Variants in NDST4 observed in about 807,000 individuals in gnomAD.
NDST4 encodes N-deacetylase and N-sulfotransferase 4, also known as N-heparan sulfate sulfotransferase 4.
Under a neutral mutation model 100.8 loss-of-function variants are expected in NDST4, and 63 were observed. That is an observed-to-expected ratio of 0.62 (90% CI 0.51 to 0.77). The LOEUF (loss-of-function observed/expected upper bound fraction) is 0.77. Ranked by LOEUF, NDST4 falls within the 30% of genes least tolerant of loss-of-function variation. The pLI is 0.00. For missense variants in NDST4, 943 were observed against 1,018.4 expected (o/e 0.93, Z 1.01); for synonymous variants, 377 against 361.8 (o/e 1.04, Z -0.48).
chr4:114,854,667 A>G (rs961559706), intron 7 of NDST4, among the ~76,000 whole-genome samples: 4 of 152,128 alleles, frequency 2.6e-5, no homozygotes, highest in Admixed American at 2.0e-4. Flanking sequence ...ACGGGGTTTC[A>G]CTATGTTAGC....
At chr4:114,891,076 A>G (rs72899287) in intron 6 of NDST4, among the ~76,000 whole-genome samples, 20,587 of 152,010 alleles carry the variant, frequency 0.14, 1,636 homozygotes, top group African/African-American at 0.23. Context: ...TGAGGGATTC[A>G]TCCTACTTGA....
At chr4:115,012,065 G>C (rs1374372232) in intron 2 of NDST4, among the ~76,000 whole-genome samples, 1 of 151,700 alleles carries the variant, frequency 6.6e-6, no homozygotes, top group Non-Finnish European at 1.5e-5. Context: ...CTTAGAATGA[G>C]TACTAGGGTC....
At position 115,076,246 on chromosome 4, in the gene NDST4, T is replaced by A; in HGVS notation, c.791A>T (p.Asp264Val). Residue 264 changes from aspartate to valine, a missense_variant, in exon 2 of 14, where the codon GAT becomes GTT. Asp to Val is a radical substitution (Grantham distance 152, BLOSUM62 -3). Transcript: ENST00000264363. ...GCCAAAAAGTACTCTCTGAATTCCA[T>A]CATGAAGCCCCAGATCCTGAATCAC... ...ATVIQDLGLHDGIQRVLFGNN... is the reference protein window; with the variant it reads ...ATVIQDLGLHVGIQRVLFGNN... 1 of 1,613,952 alleles carries A rather than the reference T, an allele frequency of 6.2e-7. No individual in the cohort carries two copies. The highest frequency in any genetic ancestry group is 1.1e-5 in the South Asian group (1 of 91,084).
intron 1 of NDST4, among the ~76,000 whole-genome samples, chr4:115,086,935 C>T (rs753832847): frequency 3.1e-4 from 47 of 152,124 alleles, no homozygotes; most frequent in South Asian, 4.1e-4. Context: ...AGTAGAAATG[C>T]TATCCGTGGC....
Position 115,093,854 on chromosome 4 carries a change from C to T in NDST4, c.-246-16572G>A, listed in dbSNP as rs191147095. ...AAAATTAATAAGCTAATAATGTAAG[C>T]GGTCATCTTAAAAAGCTAGAAAAAG... On this transcript the variant is annotated intron_variant, in intron 1 of 13. Coordinates refer to ENST00000264363, the MANE Select transcript of NDST4 (RefSeq NM_022569.3). Among the ~76,000 whole-genome samples the T allele has an allele frequency of 2.9e-3, 442 of 151,750 alleles. 3 individuals carry two copies. The highest frequency in any genetic ancestry group is 4.8e-3 in the South Asian group (23 of 4,808).
At chr4:115,096,099 A>T (rs537730191) in intron 1 of NDST4, among the ~76,000 whole-genome samples, 5 of 151,296 alleles carry the variant, frequency 3.3e-5, no homozygotes, top group African/African-American at 1.2e-4. Flanking sequence ...ATCATTTTAC[A>T]CTCTTTTATT....
At position 114,870,303 on chromosome 4, in the gene NDST4, A is replaced by G. The variant is rs565763953; in HGVS notation, c.1719+465T>C. Among the ~76,000 whole-genome samples, 6 of 152,300 alleles carry G rather than the reference A, an allele frequency of 3.9e-5. No homozygotes were observed. In the East Asian group the frequency reaches 9.6e-4, roughly 24 times the overall value. ...AAGATATGCTTGAGAGGTTAACTCT[A>G]TATGGATACAAGGTGAAAATTGCTT... On this transcript the variant is annotated intron_variant, in intron 7 of 13. Transcript: ENST00000264363.
At chr4:115,025,775 A>G (rs1206340736) in intron 2 of NDST4, among the ~76,000 whole-genome samples, 1 of 152,166 alleles carries the variant, frequency 6.6e-6, no homozygotes, top group African/African-American at 2.4e-5. Flanking sequence ...GTAATTTCAA[A>G]TGTAGTAACC....
chr4:114,986,425 T>C (rs997110785), intron 2 of NDST4, among the ~76,000 whole-genome samples: 2 of 152,120 alleles, frequency 1.3e-5, no homozygotes, highest in South Asian at 2.1e-4. Context: ...CCACTGATTT[T>C]AGTCCACTCT....
intron 6 of NDST4, among the ~76,000 whole-genome samples, chr4:114,894,431 A>C (rs189306605): frequency 1.8e-4 from 28 of 152,204 alleles, no homozygotes; most frequent in African/African-American, 6.5e-4. Context: ...AATGTTTTGT[A>C]GTTCTCTTTG....
intron 9 of NDST4, among the ~76,000 whole-genome samples, chr4:114,846,641 T>C (rs755134580): frequency 6.6e-6 from 1 of 152,154 alleles, no homozygotes. Flanking sequence ...TTCCTCTGCG[T>C]GTGGATTATG....
intron 2 of NDST4, among the ~76,000 whole-genome samples, chr4:115,038,703 A>ATGGT (rs1728285685): frequency 6.6e-6 from 1 of 152,180 alleles, no homozygotes; most frequent in South Asian, 2.1e-4. Flanking sequence ...TGGGCTGATC[A>ATGGT]TGGTTGCTCA....
intron 1 of NDST4, among the ~76,000 whole-genome samples, chr4:115,080,964 C>A (rs1729289444): frequency 1.3e-5 from 2 of 151,850 alleles, no homozygotes; most frequent in African/African-American, 2.4e-5. Context: ...AAATGTAGGA[C>A]AAGTTAATAC....
intron 4 of NDST4, among the ~76,000 whole-genome samples, chr4:114,946,074 T>G (rs1725856557): frequency 6.6e-6 from 1 of 152,232 alleles, no homozygotes; most frequent in Non-Finnish European, 1.5e-5. Context: ...TTAATATTCT[T>G]GACCCTGCTG....
intron 1 of NDST4, among the ~76,000 whole-genome samples, chr4:115,103,501 G>C (rs1729776552): frequency 1.3e-5 from 2 of 152,044 alleles, no homozygotes; most frequent in African/African-American, 4.8e-5. Context: ...AGGAAATACT[G>C]ATATTTTCTT....
intron 2 of NDST4, among the ~76,000 whole-genome samples, chr4:114,995,888 G>A (rs1036582009): frequency 6.6e-6 from 1 of 151,906 alleles, no homozygotes; most frequent in Admixed American, 6.6e-5. Context: ...TCTTAAAATA[G>A]GGAGAAAAAT....
chr4:114,877,938 G>A (rs1414101809), intron 6 of NDST4, among the ~76,000 whole-genome samples: 2 of 145,116 alleles, frequency 1.4e-5, no homozygotes, highest in Non-Finnish European at 3.0e-5. Flanking sequence ...AAAATGAGAA[G>A]TAAGAGAAAG....
rs1729993388 is a variant in NDST4 at position 115,113,375 on chromosome 4, A to G, written c.-247+69T>C. On this transcript the variant is annotated intron_variant, in intron 1 of 13. Coordinates refer to ENST00000264363, the MANE Select transcript of NDST4 (RefSeq NM_022569.3). Reference sequence around the variant, plus strand: ...AAACTTTATTGTGTCCGACTTGTTTACATAGCTAAGCAACGCATATTCATT... The same window carrying G: ...AAACTTTATTGTGTCCGACTTGTTTGCATAGCTAAGCAACGCATATTCATT... The G allele has an allele frequency of 2.0e-5, 3 of 151,996 alleles. No individual in the cohort carries two copies. In the South Asian group the frequency reaches 6.2e-4, roughly 31 times the overall value. The allele number at this position is 151,996 out of a possible 1,614,324, so 9.4% of individuals were successfully genotyped here.
chr4:114,864,930 C>A (rs1723993308), intron 7 of NDST4, among the ~76,000 whole-genome samples: 1 of 152,074 alleles, frequency 6.6e-6, no homozygotes, highest in South Asian at 2.1e-4. Context: ...CCCTAAATGT[C>A]TATCTATTCT....
Sources: gnomAD v4.1 joint callset for allele counts (sites outside exome capture counted in the v4.1 genomes callset) on GRCh38, gnomAD v4.1.1 for gene constraint, MANE v1.5 for transcripts, NCBI Gene and HGNC (gene_info 2026-07-23, HGNC 2026-07-21) for gene names.